Variants in ATP10D observed in about 807,000 individuals in gnomAD.
ATP10D encodes phospholipid-transporting ATPase VD.
Under a neutral mutation model 144.8 loss-of-function variants are expected in ATP10D, and 89 were observed. The observed-to-expected ratio is 0.61, with a 90% CI of 0.52 to 0.73. The LOEUF is 0.73. Among genes scored for constraint, ATP10D ranks in the 30% least tolerant of loss-of-function variants. ATP10D has a pLI of 0.00. For synonymous variants in ATP10D, 571 were observed against 615.1 expected, an observed-to-expected ratio of 0.93 and a Z score of 1.06; for missense variants, 1,603 against 1,714.8, an observed-to-expected ratio of 0.93 and a Z score of 1.15.
At chr4:47,527,690 G>T (rs1717323211) in intron 5 of ATP10D, among the ~76,000 whole-genome samples, 1 of 152,088 alleles carries the variant, frequency 6.6e-6, no homozygotes, top group South Asian at 2.1e-4. Context: ...AAAGATGCAG[G>T]TTAAACCACA....
intron 5 of ATP10D, among the ~76,000 whole-genome samples, chr4:47,533,761 G>C (rs1717684516): frequency 1.3e-5 from 2 of 152,116 alleles, no homozygotes; most frequent in Non-Finnish European, 2.9e-5. Flanking sequence ...AGAAAGAAAA[G>C]TATAACGAAC....
At chr4:47,498,571 T>C (rs1452705434) in intron 1 of ATP10D, among the ~76,000 whole-genome samples, 1 of 152,208 alleles carries the variant, frequency 6.6e-6, no homozygotes, top group Admixed American at 6.5e-5. Flanking sequence ...ACCTACCTAC[T>C]TCTTCATGCA....
At chr4:47,575,375 T>C (rs75790076) in intron 18 of ATP10D, among the ~76,000 whole-genome samples, 3,995 of 152,214 alleles carry the variant, frequency 0.026, 164 homozygotes, top group African/African-American at 0.092. Flanking sequence ...CAGGAAACCA[T>C]GTAGAATGCC....
chr4:47,560,827 G>A (rs750381871), intron 13 of ATP10D, 122 bp from the exon 14 acceptor site: 82 of 1,240,246 alleles, frequency 6.6e-5, no homozygotes, highest in Non-Finnish European at 8.4e-5. Flanking sequence ...TGACATGGCT[G>A]TGCCCAGAGG....
intron 1 of ATP10D, among the ~76,000 whole-genome samples, chr4:47,503,785 G>C (rs1247531055): frequency 6.6e-6 from 1 of 152,028 alleles, no homozygotes; most frequent in African/African-American, 2.4e-5. Context: ...TGTCATCCCA[G>C]CTACTTGTGA....
intron 3 of ATP10D, among the ~76,000 whole-genome samples, chr4:47,516,509 A>G (rs1337350356): frequency 6.6e-6 from 1 of 152,206 alleles, no homozygotes; most frequent in East Asian, 1.9e-4. Context: ...TACTTAGTAA[A>G]CCGTATAGAC....
Position 47,523,009 on chromosome 4 carries a change from CA to C in ATP10D, c.486-2del. On this transcript the variant is annotated splice_acceptor_variant, in intron 3 of 22. Coordinates refer to ENST00000273859, the MANE Select transcript of ATP10D (RefSeq NM_020453.4). LOFTEE classifies it high-confidence loss of function. ...TTTTTTTTTAACTTTTTTTTAATTA[CA>C]GGAAAGAGAAAAAATACATTGACCG... is the stretch of plus-strand genomic sequence containing the variant. The C allele has an allele frequency of 6.3e-7, 1 of 1,589,304 alleles. No individual in the cohort carries two copies. The highest frequency in any genetic ancestry group is 8.6e-7 in the Non-Finnish European group (1 of 1,165,232).
At chr4:47,487,161 G>A (rs1402368273) in intron 1 of ATP10D, among the ~76,000 whole-genome samples, 4 of 150,882 alleles carry the variant, frequency 2.7e-5, no homozygotes, top group Admixed American at 6.6e-5. Flanking sequence ...CCCGGGAGGC[G>A]GAGGTTGCTG....
intron 17 of ATP10D, 117 bp from the exon 18 acceptor site, chr4:47,572,755 C>T (rs1720027118): frequency 7.5e-7 from 1 of 1,327,094 alleles, no homozygotes. Flanking sequence ...ATGTATGGAA[C>T]AAATGCGGTC....
intron 18 of ATP10D, among the ~76,000 whole-genome samples, chr4:47,573,227 G>A (rs757459316): frequency 4.6e-5 from 7 of 152,144 alleles, no homozygotes; most frequent in Non-Finnish European, 1.0e-4. Flanking sequence ...TCTACTCCCT[G>A]TGCATTTAAA....
At chr4:47,570,277 T>C (rs1448844138) in intron 16 of ATP10D, among the ~76,000 whole-genome samples, 1 of 152,088 alleles carries the variant, frequency 6.6e-6, no homozygotes, top group Admixed American at 6.5e-5. Flanking sequence ...ATATGTTATA[T>C]GAGAGAAAGA....
At chr4:47,559,140 T>C in intron 13 of ATP10D, 111 bp downstream of exon 13, 3 of 727,202 alleles carry the variant, frequency 4.1e-6, no homozygotes, top group Non-Finnish European at 6.9e-6. Context: ...GAAAGTCCCC[T>C]GGACACTGGC....
At chr4:47,523,547 TA>T (rs1178394635) in intron 4 of ATP10D, among the ~76,000 whole-genome samples, 1 of 152,248 alleles carries the variant, frequency 6.6e-6, no homozygotes, top group Non-Finnish European at 1.5e-5. Flanking sequence ...TAATTACTTA[TA>T]TACCAAAGCT....
chr4:47,569,200 C>A, intron 16 of ATP10D, 54 bp downstream of exon 16: 1 of 1,553,574 alleles, frequency 6.4e-7, no homozygotes, highest in South Asian at 1.2e-5. Context: ...CCACACCAGA[C>A]ACCGATCCTT....
Position 47,568,944 on chromosome 4 carries a change from C to A in ATP10D, c.2961C>A (p.Val987=), listed in dbSNP as rs372352682. The change falls in exon 16 of 23, where the codon GTC becomes GTA. Residue 987 remains valine, a synonymous_variant. Coordinates refer to ENST00000273859, the MANE Select transcript of ATP10D (RefSeq NM_020453.4). ...GTGAAGATTTACTTCAGCCTCCTGT[C>A]CCCCGGGACTCAGGGTTACGAGCTG... ...SLSEDLLQPP[V]PRDSGLRAGL... 3 of 1,614,046 alleles carry A rather than the reference C, an allele frequency of 1.9e-6. No homozygotes were observed. Among genetic ancestry groups the A allele is most frequent in the African/African-American group, 1.3e-5 (1 of 75,022 alleles).
At chr4:47,563,467 G>A in intron 14 of ATP10D, 114 bp from the exon 15 acceptor site, 1 of 917,466 alleles carries the variant, frequency 1.1e-6, no homozygotes, top group Non-Finnish European at 1.6e-6. Context: ...CAGCTGGGCA[G>A]TTTATGTAGT....
chr4:47,557,119 T>A (rs1388243548), intron 11 of ATP10D: 1 of 152,172 alleles, frequency 6.6e-6, no homozygotes, highest in Non-Finnish European at 1.5e-5. Flanking sequence ...CATAGCTTTT[T>A]CAGTATTGCC....
chr4:47,528,509 G>GTA (rs1382630093), intron 5 of ATP10D, among the ~76,000 whole-genome samples: 13 of 57,682 alleles, frequency 2.3e-4, no homozygotes, highest in South Asian at 6.2e-4. Context: ...GTGTGTGTGT[G>GTA]TGTGTATATA....
rs1719086845 is a variant in ATP10D, at chr4:47,558,093, G to A, written c.2254G>A (p.Val752Ile). The change falls in exon 12 of 23, where the codon GTC (valine) becomes ATC (isoleucine). Residue 752 changes from valine (V) to isoleucine (I), a missense_variant. By Grantham distance (29) the Val-to-Ile change is conservative. Transcript: ENST00000273859. ...CTLRSRTPEQ[V>I]MVDFAALGPL... is the part of the protein sequence containing the mutation. ...TTTACGGTCTCGGACACCAGAGCAG[G>A]TCATGGTGGACTTTGCTGCTTTGGG... The A allele has an allele frequency of 1.2e-6, 2 of 1,614,214 alleles. No individual in the cohort carries two copies. Among genetic ancestry groups the A allele is most frequent in the Non-Finnish European group, 1.7e-6 (2 of 1,180,032 alleles).
Sources: allele counts gnomAD v4.1 joint callset (sites outside exome capture counted in the v4.1 genomes callset), GRCh38; gene constraint gnomAD v4.1.1; transcripts MANE v1.5; gene names NCBI Gene and HGNC (gene_info 2026-07-23, HGNC 2026-07-21).